Variants in INSC observed in about 807,000 individuals in gnomAD.
The protein encoded by INSC is protein inscuteable homolog.
INSC carries 67 observed loss-of-function variants against 58.6 expected under a neutral mutation model. The observed-to-expected ratio is 1.14, with a 90% CI of 0.94 to 1.40. The LOEUF (loss-of-function observed/expected upper bound fraction) is 1.40. INSC is among the 40% of genes most tolerant of loss of function. INSC has a pLI of 0.00. For missense variants in INSC, 714 were observed against 692.0 expected (o/e 1.03, Z -0.36); for synonymous variants, 262 against 276.1 (o/e 0.95, Z 0.51).
chr11:15,178,078 T>G (rs1331772512), intron 4 of INSC, among the ~76,000 whole-genome samples: 1 of 152,194 alleles, frequency 6.6e-6, no homozygotes, highest in Non-Finnish European at 1.5e-5. Flanking sequence ...GTATAGATTT[T>G]CCACATTCTG....
intron 7 of INSC, among the ~76,000 whole-genome samples, chr11:15,201,812 C>A (rs1850602969): frequency 6.6e-6 from 1 of 152,168 alleles, no homozygotes; most frequent in South Asian, 2.1e-4. Context: ...GGATCTGAGT[C>A]TGTTCCTGTT....
chr11:15,244,129 T>G (rs544292895), intron 12 of INSC, among the ~76,000 whole-genome samples: 1 of 152,322 alleles, frequency 6.6e-6, no homozygotes, highest in African/African-American at 2.4e-5. Flanking sequence ...CAAAAATGCA[T>G]TGGTGGCCTT....
chr11:15,148,676 C>T (rs1848555299), intron 1 of INSC, among the ~76,000 whole-genome samples: 2 of 152,188 alleles, frequency 1.3e-5, no homozygotes, highest in Admixed American at 1.3e-4. Flanking sequence ...TAAGCATAAT[C>T]ACAGTGAATA....
At chr11:15,259,257 A>C in the INSC span, among the ~76,000 whole-genome samples, 3 of 152,212 alleles carry the variant, frequency 2.0e-5, no homozygotes, top group African/African-American at 7.2e-5. Context: ...AGCAGTCATT[A>C]GATTTTGTTG....
chr11:15,255,915 TCA>T, the INSC span, among the ~76,000 whole-genome samples: 1 of 152,222 alleles, frequency 6.6e-6, no homozygotes, highest in Admixed American at 6.5e-5. Context: ...ACAAGAATCT[TCA>T]GTTTGCCTAT....
chr11:15,126,355 G>A (rs1847995104), intron 1 of INSC, among the ~76,000 whole-genome samples: 1 of 152,214 alleles, frequency 6.6e-6, no homozygotes, highest in Admixed American at 6.5e-5. Flanking sequence ...GGTAGTGGCA[G>A]TTCCTGGGAC....
intron 2 of INSC, among the ~76,000 whole-genome samples, chr11:15,161,356 T>C (rs371009571): frequency 6.6e-6 from 1 of 152,322 alleles, no homozygotes; most frequent in South Asian, 2.1e-4. Context: ...CAGAAAATGA[T>C]ATGGAACACC....
intron 9 of INSC, among the ~76,000 whole-genome samples, chr11:15,233,896 A>G (rs927163125): frequency 3.3e-5 from 5 of 152,194 alleles, no homozygotes; most frequent in Admixed American, 2.6e-4. Context: ...CTAAACTGAC[A>G]TGGACTTGGC....
At chr11:15,183,791 A>G (rs1849867619) in intron 5 of INSC, among the ~76,000 whole-genome samples, 1 of 152,204 alleles carries the variant, frequency 6.6e-6, no homozygotes, top group Admixed American at 6.5e-5. Flanking sequence ...CAAAAATTTC[A>G]AGATATATTG....
intron 2 of INSC, among the ~76,000 whole-genome samples, chr11:15,164,775 A>G (rs953649766): frequency 9.2e-5 from 14 of 152,114 alleles, no homozygotes; most frequent in African/African-American, 3.4e-4. Flanking sequence ...TATGGCTCCC[A>G]TAATTCCCAT....
chr11:15,189,089 G>A (rs1422660617), intron 5 of INSC, among the ~76,000 whole-genome samples: 2 of 152,202 alleles, frequency 1.3e-5, no homozygotes, highest in Non-Finnish European at 2.9e-5. Flanking sequence ...AGATTAGCAT[G>A]TTGTGCGTGT....
At chr11:15,200,104 A>G (rs1356334507) in intron 6 of INSC, among the ~76,000 whole-genome samples, 1 of 152,200 alleles carries the variant, frequency 6.6e-6, no homozygotes, top group Admixed American at 6.5e-5. Context: ...GGAAAAGTAC[A>G]TGCTCACCAC....
intron 1 of INSC, among the ~76,000 whole-genome samples, chr11:15,124,930 T>C (rs1417398873): frequency 6.6e-6 from 1 of 152,184 alleles, no homozygotes; most frequent in Non-Finnish European, 1.5e-5. Flanking sequence ...GTAGGTGCCA[T>C]GTTTAAGTCT....
intron 5 of INSC, among the ~76,000 whole-genome samples, chr11:15,185,903 G>T (rs1849948018): frequency 6.6e-6 from 1 of 152,030 alleles, no homozygotes; most frequent in South Asian, 2.1e-4. Flanking sequence ...TGTGCAAGGG[G>T]TCATATATTT....
intron 9 of INSC, among the ~76,000 whole-genome samples, chr11:15,230,013 A>ATATATATATTAT (rs1491490993): frequency 8.4e-5 from 2 of 23,864 alleles, no homozygotes; most frequent in African/African-American, 3.5e-4. Flanking sequence ...ATATATATAT[A>ATATATATATTAT]ATATATATAT....
chr11:15,227,536 C>T lies in INSC; in HGVS notation c.1170+1708C>T, dbSNP rs187689640. On this transcript the variant is annotated intron_variant, in intron 9 of 12. Transcript: ENST00000379556. ...AAAATCCTCAACTTGGCCCTCCAAA[C>T]TATGTATGATATGTATGATTCCAGA... 3.5e-4 allele frequency among the ~76,000 whole-genome samples: 54 copies of T among 152,310 alleles called. No homozygotes were observed. The East Asian group carries it at 9.2e-3, about 26-fold the overall frequency.
At chr11:15,175,521 CTT>C (rs991117322) in intron 2 of INSC, among the ~76,000 whole-genome samples, 5 of 152,278 alleles carry the variant, frequency 3.3e-5, no homozygotes, top group African/African-American at 1.2e-4. Context: ...TTACCTGTTG[CTT>C]GTTAGTCTGG....
At chr11:15,141,368 G>C (rs926288096) in intron 1 of INSC, among the ~76,000 whole-genome samples, 1 of 152,160 alleles carries the variant, frequency 6.6e-6, no homozygotes, top group Non-Finnish European at 1.5e-5. Context: ...ATTGAGGGGC[G>C]GAACAAAGGT....
intron 10 of INSC, among the ~76,000 whole-genome samples, chr11:15,238,131 C>A (rs1052024340): frequency 6.6e-6 from 1 of 151,980 alleles, no homozygotes; most frequent in South Asian, 2.1e-4. Context: ...GGGAAAATGG[C>A]ATCCCTTGTA....
Sources: allele counts gnomAD v4.1 joint callset (sites outside exome capture counted in the v4.1 genomes callset), GRCh38; gene constraint gnomAD v4.1.1; transcripts MANE v1.5; gene names NCBI Gene and HGNC (gene_info 2026-07-23, HGNC 2026-07-21).